Variants in HSDL1 observed in about 807,000 individuals in gnomAD.
The protein encoded by HSDL1 is inactive hydroxysteroid dehydrogenase-like protein 1.
HSDL1 carries 29 observed loss-of-function variants against 31.5 expected under a neutral mutation model. The ratio of observed to expected loss-of-function variants is 0.92; its 90% CI spans 0.69 to 1.26. The LOEUF is 1.26. Ranked by LOEUF, HSDL1 falls within the 50% of genes most tolerant of loss-of-function variation. The pLI, the probability that HSDL1 is intolerant of heterozygous loss-of-function variation, is 0.00. For missense variants in HSDL1, 503 were observed against 416.6 expected (o/e 1.21, Z -1.81); for synonymous variants, 222 against 155.2 (o/e 1.43, Z -3.20).
At chr16:84,137,433 G>T (rs1398185260) in intron 1 of HSDL1, among the ~76,000 whole-genome samples, 1 of 152,242 alleles carries the variant, frequency 6.6e-6, no homozygotes, top group African/African-American at 2.4e-5. Flanking sequence ...CTTCACGCCA[G>T]ACTGGAGTGC....
intron 5 of HSDL1, among the ~76,000 whole-genome samples, chr16:84,126,380 T>A (rs1050569498): frequency 6.6e-6 from 1 of 152,066 alleles, no homozygotes; most frequent in Non-Finnish European, 1.5e-5. Context: ...CATAGGGCAA[T>A]GTCTGAAAAC....
At chr16:84,132,948 T>C (rs1330437969) in intron 2 of HSDL1, among the ~76,000 whole-genome samples, 1 of 147,176 alleles carries the variant, frequency 6.8e-6, no homozygotes, top group Non-Finnish European at 1.5e-5. Context: ...CTTCTGGGGG[T>C]GGCAACTTTT....
chr16:84,134,231 T>C (rs997065473), intron 2 of HSDL1, among the ~76,000 whole-genome samples: 19 of 152,248 alleles, frequency 1.2e-4, no homozygotes, highest in African/African-American at 4.6e-4. Flanking sequence ...ACGGGCACGG[T>C]ATCAGAGTTT....
In HSDL1 at chr16:84,129,637, C is replaced by T. The variant is rs780862832; in HGVS notation, c.805G>A (p.Val269Met). 1 of 1,614,166 alleles carries T rather than the reference C, an allele frequency of 6.2e-7. No individual in the cohort carries two copies. Among genetic ancestry groups the T allele is most frequent in the Non-Finnish European group, 8.5e-7 (1 of 1,180,040 alleles). ...TGTGCATAGACTTTTGGCGAAGGCA[C>T]CAACCACGAGCACCTGTGCAGAAAG... ...SNFLHRCSWL[V>M]PSPKVYAHHA... Residue 269 changes from valine to methionine, a missense_variant, in exon 5 of 6, where the codon GTG (valine) becomes ATG (methionine). By Grantham distance (21) the Val-to-Met change is conservative (BLOSUM62 1). Coordinates refer to ENST00000219439, the MANE Select transcript of HSDL1 (RefSeq NM_031463.5).
chr16:84,144,857 C>T (rs1405547301), intron 1 of HSDL1, among the ~76,000 whole-genome samples: 1 of 150,826 alleles, frequency 6.6e-6, no homozygotes, highest in South Asian at 2.1e-4. Flanking sequence ...GCTTTTTGGT[C>T]TGAAGGAAGG....
chr16:84,126,364 A>C (rs915526112), intron 5 of HSDL1, among the ~76,000 whole-genome samples: 10 of 152,124 alleles, frequency 6.6e-5, no homozygotes, highest in Non-Finnish European at 1.5e-4. Flanking sequence ...TTGTGCTAGC[A>C]GCAGACATAG....
At chr16:84,126,102 CA>C (rs144379672) in intron 5 of HSDL1, among the ~76,000 whole-genome samples, 36,309 of 102,418 alleles carry the variant, frequency 0.35, 4,275 homozygotes, top group Non-Finnish European at 0.37. Flanking sequence ...AACTCTGTCT[CA>C]AAAAAAAAAA....
chr16:84,141,596 G>A (rs548497792), intron 1 of HSDL1, among the ~76,000 whole-genome samples: 49 of 152,316 alleles, frequency 3.2e-4, no homozygotes, highest in Admixed American at 5.9e-4. Context: ...TTTGCAAAGC[G>A]GCAGAACCCA....
intron 1 of HSDL1, among the ~76,000 whole-genome samples, chr16:84,143,075 T>C (rs544251371): frequency 6.6e-6 from 1 of 152,312 alleles, no homozygotes; most frequent in Admixed American, 6.5e-5. Context: ...AGAATTAAAA[T>C]ATTCAGAGTA....
chr16:84,130,771 T>G (rs1334351916), intron 3 of HSDL1, among the ~76,000 whole-genome samples: 2 of 152,154 alleles, frequency 1.3e-5, no homozygotes, highest in African/African-American at 4.8e-5. Context: ...AAAATGAAAT[T>G]CAAAATAGGT....
At chr16:84,133,236 T>TA (rs1482784340) in intron 2 of HSDL1, among the ~76,000 whole-genome samples, 1 of 152,028 alleles carries the variant, frequency 6.6e-6, no homozygotes, top group Non-Finnish European at 1.5e-5. Context: ...TAAATATATA[T>TA]AAATGTGTAG....
intron 3 of HSDL1, 34 bp downstream of exon 3, chr16:84,131,068 C>T (rs76473549): frequency 6.5e-7 from 1 of 1,530,818 alleles, no homozygotes; most frequent in East Asian, 2.3e-5. Context: ...TCCGACTTCA[C>T]AGAAAAGATT....
chr16:84,131,021 ACAC>A, intron 3 of HSDL1, 78 bp downstream of exon 3: 2 of 1,121,382 alleles, frequency 1.8e-6, no homozygotes, highest in African/African-American at 1.6e-5. Context: ...TCCCATAAAA[ACAC>A]CACATTAAAT....
intron 1 of HSDL1, among the ~76,000 whole-genome samples, chr16:84,143,930 G>A (rs906422864): frequency 6.6e-6 from 1 of 152,098 alleles, no homozygotes; most frequent in Admixed American, 6.5e-5. Context: ...TTGGGCCCGG[G>A]GTGCGGGATG....
At chr16:84,129,200 T>C (rs376907448) in intron 5 of HSDL1, among the ~76,000 whole-genome samples, 1 of 151,898 alleles carries the variant, frequency 6.6e-6, no homozygotes, top group East Asian at 2.0e-4. Context: ...GCTAACACGG[T>C]GAAACCCCGT....
intron 5 of HSDL1, among the ~76,000 whole-genome samples, chr16:84,127,879 T>A (rs1035873674): frequency 6.6e-6 from 1 of 151,022 alleles, no homozygotes; most frequent in Non-Finnish European, 1.5e-5. Flanking sequence ...CCACCACGCC[T>A]AGCTAATTTT....
chr16:84,130,114 C>T lies in HSDL1; in HGVS notation c.538G>A (p.Ala180Thr), dbSNP rs761002851. ...LWDIINVNIA[A>T]ASLMVHVVLP... ...ACAACATGGACCATCAAACTAGCGG[C>T]GGCAATGTTCACATTTATGATGTCC... The change falls in exon 4 of 6, where the codon GCC becomes ACC. Residue 180 changes from alanine (A) to threonine (T), a missense_variant. Coordinates refer to ENST00000219439, the MANE Select transcript of HSDL1 (RefSeq NM_031463.5). 3.7e-5 allele frequency: 59 copies of T among 1,614,014 alleles called. No homozygotes were observed. Among genetic ancestry groups the T allele is most frequent in the Middle Eastern group, 1.6e-4 (1 of 6,084 alleles).
At chr16:84,143,343 C>G (rs1188768833) in intron 1 of HSDL1, among the ~76,000 whole-genome samples, 2 of 152,072 alleles carry the variant, frequency 1.3e-5, no homozygotes, top group Non-Finnish European at 1.5e-5. Context: ...GGACAGAAAC[C>G]AAATACAAAA....
intron 5 of HSDL1, among the ~76,000 whole-genome samples, chr16:84,129,305 G>A (rs1045529298): frequency 7.2e-5 from 11 of 151,934 alleles, no homozygotes; most frequent in South Asian, 4.1e-4. Context: ...GCATGAACCC[G>A]GGAGGCGGAG....
Sources: gnomAD v4.1 joint callset for allele counts (sites outside exome capture counted in the v4.1 genomes callset) on GRCh38, gnomAD v4.1.1 for gene constraint, MANE v1.5 for transcripts, NCBI Gene and HGNC (gene_info 2026-07-23, HGNC 2026-07-21) for gene names.